Variants in NCOR1 observed in about 807,000 individuals in gnomAD.
NCOR1 encodes the protein protein phosphatase 1, regulatory subunit 109.
NCOR1 carries 63 observed loss-of-function variants against 288.1 expected under a neutral mutation model. The ratio of observed to expected loss-of-function variants is 0.22; its 90% CI spans 0.18 to 0.27. The LOEUF (loss-of-function observed/expected upper bound fraction) is 0.27. NCOR1 is among the 10% of genes least tolerant of loss of function. The pLI is 1.00. For synonymous variants in NCOR1, 1,007 were observed against 1,065.9 expected (o/e 0.94, Z 1.08); for missense variants, 2,397 against 3,019.2 (o/e 0.79, Z 4.83).
At chr17:16,095,692 G>C (rs1296598046) in intron 21 of NCOR1, among the ~76,000 whole-genome samples, 1 of 92,478 alleles carries the variant, frequency 1.1e-5, no homozygotes, top group African/African-American at 4.4e-5. Context: ...GCCCCGTCCG[G>C]GAGGGAGGTG....
Position 16,127,283 on chromosome 17 carries a change from G to GTA in NCOR1, c.1510-1078_1510-1077insTA, listed in dbSNP as rs1568194675. Among the ~76,000 whole-genome samples the GTA allele has an allele frequency of 7.7e-4, 21 of 27,098 alleles. 4 individuals are homozygous for GTA. Among genetic ancestry groups the GTA allele is most frequent in the African/African-American group, 2.3e-3 (21 of 9,086 alleles). 17.8% of individuals were successfully genotyped at this position (27,098 alleles called of 152,430 possible). The stretch of plus-strand genomic sequence containing the variant: ...TGTGTATATATGTATGTATATATAC[G>GTA]TGTATATATGTATGTATGTATATAT... On this transcript the variant is annotated intron_variant, in intron 14 of 45. Coordinates refer to ENST00000268712, the MANE Select transcript of NCOR1 (RefSeq NM_006311.4).
chr17:16,054,091 A>C (rs995367739), intron 40 of NCOR1, among the ~76,000 whole-genome samples: 9 of 149,884 alleles, frequency 6.0e-5, no homozygotes, highest in Non-Finnish European at 1.0e-4. Context: ...AAAAAAAAAA[A>C]AACTATAAAA....
intron 42 of NCOR1, among the ~76,000 whole-genome samples, chr17:16,043,270 A>G (rs1311810350): frequency 6.6e-6 from 1 of 152,228 alleles, no homozygotes. Flanking sequence ...AGCTGAAGTG[A>G]AGCTGTGTTG....
intron 3 of NCOR1, among the ~76,000 whole-genome samples, chr17:16,175,672 G>C (rs1237867565): frequency 6.6e-6 from 1 of 152,036 alleles, no homozygotes. Context: ...AGGATCGCTT[G>C]ATGCTGGGAG....
At chr17:16,214,618 T>C (rs1013305811) in intron 1 of NCOR1, among the ~76,000 whole-genome samples, 1 of 152,090 alleles carries the variant, frequency 6.6e-6, no homozygotes, top group African/African-American at 2.4e-5. Flanking sequence ...CCTGAGCAAA[T>C]AGTTTTCGTC....
intron 2 of NCOR1, chr17:16,192,050 A>C (rs1240573280): frequency 6.6e-6 from 1 of 151,800 alleles, no homozygotes; most frequent in East Asian, 1.9e-4. Context: ...AAAACAAAAA[A>C]AATGGAGCAG....
At chr17:16,044,352 A>C in intron 42 of NCOR1, 1 of 470,050 alleles carries the variant, frequency 2.1e-6, no homozygotes, top group Non-Finnish European at 4.4e-6. Flanking sequence ...CTTGGTGTTC[A>C]ACATTTATTA....
chr17:16,081,976 G>T (rs2063479831), intron 23 of NCOR1, among the ~76,000 whole-genome samples: 1 of 152,164 alleles, frequency 6.6e-6, no homozygotes, highest in African/African-American at 2.4e-5. Flanking sequence ...AAAGACTAAG[G>T]CAAAGCTGTT....
intron 19 of NCOR1, among the ~76,000 whole-genome samples, chr17:16,107,492 G>A (rs897417288): frequency 6.6e-6 from 1 of 152,174 alleles, no homozygotes; most frequent in Non-Finnish European, 1.5e-5. Flanking sequence ...TCATCAGAAA[G>A]CAACTGTGCC....
intron 14 of NCOR1, among the ~76,000 whole-genome samples, 196 bp from the exon 15 acceptor site, chr17:16,126,402 C>T (rs2074053037): frequency 6.6e-6 from 1 of 152,098 alleles, no homozygotes; most frequent in Non-Finnish European, 1.5e-5. Flanking sequence ...GTCCTACACG[C>T]AGACACAAAT....
At position 16,127,278 on chromosome 17, in the gene NCOR1, TATAC is replaced by T. The variant is rs1395556628; in HGVS notation, c.1510-1076_1510-1073del. Reference sequence around the variant, plus strand: ...ATGTGTGTGTATATATGTATGTATATATACGTGTATATATGTATGTATGTATATA... The same window carrying T: ...ATGTGTGTGTATATATGTATGTATATGTGTATATATGTATGTATGTATATA... On this transcript the variant is annotated intron_variant, in intron 14 of 45. Coordinates refer to ENST00000268712, the MANE Select transcript of NCOR1 (RefSeq NM_006311.4). Among the ~76,000 whole-genome samples, 5 of 98,974 alleles carry T rather than the reference TATAC, an allele frequency of 5.1e-5. 2 individuals carry two copies. Among genetic ancestry groups the T allele is most frequent in the Admixed American group, 2.0e-4 (2 of 10,108 alleles). 64.9% of individuals were successfully genotyped at this position (98,974 alleles called of 152,430 possible).
At chr17:16,191,181 A>C (rs2088187486) in intron 2 of NCOR1, among the ~76,000 whole-genome samples, 1 of 152,206 alleles carries the variant, frequency 6.6e-6, no homozygotes, top group African/African-American at 2.4e-5. Flanking sequence ...AGCAACTATA[A>C]AGCAAACAAT....
At chr17:16,054,062 CT>C (rs2059622360) in intron 40 of NCOR1, among the ~76,000 whole-genome samples, 1 of 97,326 alleles carries the variant, frequency 1.0e-5, no homozygotes, top group Non-Finnish European at 2.0e-5. Context: ...GGATTAAAGA[CT>C]TAAATGTAAA....
rs765407789 is a variant in NCOR1 at position 16,057,942 on chromosome 17, T to C, written c.6133A>G (p.Thr2045Ala). 1 of 1,614,108 alleles carries C rather than the reference T, an allele frequency of 6.2e-7. No homozygotes were observed. The highest frequency in any genetic ancestry group is 8.5e-7 in the Non-Finnish European group (1 of 1,180,002). Residue 2045 changes from threonine to alanine, a missense_variant, in exon 39 of 46, where the codon ACC becomes GCC. Around this residue, in one of 11 missense-constraint regions of NCOR1, gnomAD observed 1,872 missense variants for 2,187.8 expected, o/e 0.86. Coordinates refer to ENST00000268712, the MANE Select transcript of NCOR1 (RefSeq NM_006311.4). ...TCAGCAAGTGTGATCAGCCGATGGGTCCTGGGCACTTGCCCCATTCCCTCT... is the reference window on the plus strand; with the variant it reads ...TCAGCAAGTGTGATCAGCCGATGGGCCCTGGGCACTTGCCCCATTCCCTCT... ...QAEGMGQVPR[T>A]HRLITLADHI...
intron 9 of NCOR1, among the ~76,000 whole-genome samples, chr17:16,147,909 C>T (rs2078242535): frequency 6.6e-6 from 1 of 152,220 alleles, no homozygotes; most frequent in Admixed American, 6.5e-5. Flanking sequence ...CCTCCGCCTC[C>T]CGGGTTCAAG....
rs376725379 is a variant in NCOR1, at chr17:16,153,420, C to G, written c.733-25G>C. The stretch of plus-strand genomic sequence containing the variant: ...TCTAGAGATAAAGACATTGTTGTAT[C>G]ATATAATTAAAAATTACATTATCTA... On this transcript the variant is annotated intron_variant, in intron 6 of 45. Transcript: ENST00000268712. 4.8e-6 allele frequency: 7 copies of G among 1,465,554 alleles called. No individual in the cohort carries two copies. In the African/African-American group the frequency reaches 9.9e-5, roughly 21 times the overall value. 90.8% of individuals were successfully genotyped at this position (1,465,554 alleles called of 1,614,324 possible).
chr17:16,182,703 T>C (rs2085744554), intron 3 of NCOR1, among the ~76,000 whole-genome samples: 1 of 152,132 alleles, frequency 6.6e-6, no homozygotes, highest in African/African-American at 2.4e-5. Flanking sequence ...CCGTCCACCT[T>C]GGCCTCCCAA....
At chr17:16,165,260 G>A in intron 4 of NCOR1, 99 bp from the exon 5 acceptor site, 1 of 905,028 alleles carries the variant, frequency 1.1e-6, no homozygotes, top group Non-Finnish European at 1.6e-6. Flanking sequence ...GCAGAGCCAT[G>A]TGTACTATTT....
intron 21 of NCOR1, among the ~76,000 whole-genome samples, chr17:16,095,256 G>A (rs866011590): frequency 2.8e-4 from 35 of 126,424 alleles, no homozygotes; most frequent in Non-Finnish European, 4.5e-4. Context: ...GCCCGGCCGC[G>A]ACCCCGTCTG....
Sources: allele counts gnomAD v4.1 joint callset (sites outside exome capture counted in the v4.1 genomes callset), GRCh38; gene constraint gnomAD v4.1.1; regional missense constraint gnomAD v4.1.1; transcripts MANE v1.5; gene names NCBI Gene and HGNC (gene_info 2026-07-23, HGNC 2026-07-21).